MBD5: variants seen among roughly 807,000 people sequenced by gnomAD.
MBD5 encodes methyl-CpG binding domain protein 5, also known as methyl-CpG-binding domain protein 5.
MBD5 carries 13 observed loss-of-function variants against 117.3 expected under a neutral mutation model. That is an observed-to-expected ratio of 0.11 (90% confidence interval 0.07 to 0.18). The LOEUF is 0.18. MBD5 is among the 10% of genes least tolerant of loss of function. MBD5 has a pLI of 1.00. For synonymous variants in MBD5, 727 were observed against 766.4 expected, an observed-to-expected ratio of 0.95 and a Z score of 0.85; for missense variants, 1,879 against 2,093.8, an observed-to-expected ratio of 0.90 and a Z score of 2.00.
chr2:148,078,469 C>T lies in MBD5; in HGVS notation c.-925+56785C>T, dbSNP rs543918498. 4.6e-5 allele frequency among the ~76,000 whole-genome samples: 7 copies of T among 152,316 alleles called. No individual in the cohort carries two copies. In the East Asian group the frequency reaches 1.2e-3, roughly 25 times the overall value. ...ATATGCCAGTGCTTACTATGGATTA[C>T]ATACAGTCCACTTCTCCTGGCTATT... On this transcript the variant is annotated intron_variant, in intron 1 of 13. Coordinates refer to ENST00000642680, the MANE Select transcript of MBD5 (RefSeq NM_001378120.1).
intron 3 of MBD5, among the ~76,000 whole-genome samples, chr2:148,242,696 C>A (rs1700242030): frequency 6.6e-6 from 1 of 152,116 alleles, no homozygotes; most frequent in South Asian, 2.1e-4. Flanking sequence ...TAAAAAACTA[C>A]CACTATATAA....
At chr2:148,320,202 T>G (rs1458011105) in intron 3 of MBD5, among the ~76,000 whole-genome samples, 1 of 152,088 alleles carries the variant, frequency 6.6e-6, no homozygotes, top group East Asian at 1.9e-4. Context: ...GGTCTGTAGT[T>G]TTGTTGTTGT....
chr2:148,178,165 A>T (rs1007369496), intron 1 of MBD5, among the ~76,000 whole-genome samples: 2 of 151,938 alleles, frequency 1.3e-5, no homozygotes, highest in African/African-American at 4.8e-5. Flanking sequence ...CTTTTTTTTT[A>T]TGCTAAGTTT....
At chr2:148,345,202 G>GTA (rs140072047) in intron 4 of MBD5, among the ~76,000 whole-genome samples, 41,560 of 148,700 alleles carry the variant, frequency 0.28, 6,082 homozygotes, top group African/African-American at 0.33. Context: ...GTGTATATAC[G>GTA]TATATATGTA....
chr2:148,170,770 A>G (rs911421414), intron 1 of MBD5, among the ~76,000 whole-genome samples: 2 of 152,226 alleles, frequency 1.3e-5, no homozygotes, highest in Non-Finnish European at 2.9e-5. Context: ...TTTTAAAACT[A>G]GAATGAAATT....
intron 2 of MBD5, among the ~76,000 whole-genome samples, chr2:148,220,997 T>G (rs1003122931): frequency 6.6e-6 from 1 of 152,124 alleles, no homozygotes; most frequent in Non-Finnish European, 1.5e-5. Flanking sequence ...TTCAATAGTT[T>G]TGATTTTTAG....
Position 148,513,161 on chromosome 2 carries a change from T to C in MBD5, c.*220T>C. On this transcript the variant is annotated 3_prime_UTR_variant, in exon 14 of 14. Transcript: ENST00000642680. ...AATCAAAGTCTCTGTGTGATGAGAG[T>C]GATCAATGGTCAAGAGATTACTGAG... 1.8e-6 allele frequency: 1 copy of C among 555,742 alleles called. No homozygotes were observed. The highest frequency in any genetic ancestry group is 3.2e-6 in the Non-Finnish European group (1 of 311,426). The allele number at this position is 555,742 out of a possible 1,614,324, so 34.4% of individuals were successfully genotyped here.
At chr2:148,233,883 G>A (rs1700040772) in intron 3 of MBD5, among the ~76,000 whole-genome samples, 1 of 152,054 alleles carries the variant, frequency 6.6e-6, no homozygotes, top group African/African-American at 2.4e-5. Context: ...ATCTTGGAAA[G>A]CTATCCCTTT....
chr2:148,502,452 T>C lies in MBD5; in HGVS notation c.4979T>C (p.Leu1660Ser), dbSNP rs1681903219. Reference sequence around the variant, plus strand: ...TTCACTCAGGTGGAGCCCGAGAAGTTGAAGACACTAACAGAAGGTTTGGAA... The same window carrying C: ...TTCACTCAGGTGGAGCCCGAGAAGTCGAAGACACTAACAGAAGGTTTGGAA... ...PEEGKVEPEK[L>S]KTLTEGLEAY... The change falls in exon 12 of 14, where the codon TTG becomes TCG. Residue 1660 changes from leucine (L) to serine (S), a missense_variant. Leu to Ser is a moderately radical substitution (Grantham distance 145). This residue lies in a region of MBD5 where 135 missense variants were observed against 148.0 expected (regional missense o/e 0.91). Coordinates refer to ENST00000642680, the MANE Select transcript of MBD5 (RefSeq NM_001378120.1). The C allele has an allele frequency of 6.2e-7, 1 of 1,614,188 alleles. No homozygotes were observed.
chr2:148,209,678 G>C (rs1044299675), intron 2 of MBD5, among the ~76,000 whole-genome samples: 3 of 152,048 alleles, frequency 2.0e-5, no homozygotes, highest in African/African-American at 7.2e-5. Flanking sequence ...AGTTCTGCAG[G>C]CTGTATAAGC....
chr2:148,101,261 G>A (rs1468959336), intron 1 of MBD5, among the ~76,000 whole-genome samples: 2 of 151,650 alleles, frequency 1.3e-5, no homozygotes, highest in Admixed American at 6.6e-5. Context: ...GACCAGCCTG[G>A]GCAACACAGT....
intron 2 of MBD5, among the ~76,000 whole-genome samples, chr2:148,179,401 C>T (rs1358511011): frequency 2.6e-5 from 4 of 151,360 alleles, no homozygotes; most frequent in Admixed American, 6.6e-5. Flanking sequence ...GAATACAACT[C>T]AGCAGAATTT....
At chr2:148,252,739 A>T (rs190240921) in intron 3 of MBD5, among the ~76,000 whole-genome samples, 5 of 152,232 alleles carry the variant, frequency 3.3e-5, no homozygotes, top group Non-Finnish European at 7.4e-5. Context: ...TTGTAGAGAC[A>T]GGGTCTCACC....
intron 2 of MBD5, among the ~76,000 whole-genome samples, chr2:148,228,116 T>G (rs1243764397): frequency 6.6e-6 from 1 of 152,202 alleles, no homozygotes; most frequent in Non-Finnish European, 1.5e-5. Context: ...TTCTCCTGCC[T>G]GATTGCCCTG....
intron 4 of MBD5, among the ~76,000 whole-genome samples, chr2:148,401,326 T>C (rs1457641336): frequency 6.6e-6 from 1 of 152,108 alleles, no homozygotes; most frequent in Non-Finnish European, 1.5e-5. Flanking sequence ...TGGTTTATAA[T>C]TTGAGGTCTC....
At chr2:148,269,000 G>T (rs376961308) in intron 3 of MBD5, among the ~76,000 whole-genome samples, 3 of 151,860 alleles carry the variant, frequency 2.0e-5, no homozygotes, top group Non-Finnish European at 2.9e-5. Flanking sequence ...AGTGAGATTG[G>T]TTTTCAGGTT....
intron 4 of MBD5, among the ~76,000 whole-genome samples, chr2:148,367,359 A>C (rs1703731465): frequency 6.6e-6 from 1 of 152,234 alleles, no homozygotes; most frequent in Admixed American, 6.5e-5. Context: ...CGTAAGACCC[A>C]AAACCATAAA....
At chr2:148,480,641 T>C (rs535159584) in intron 8 of MBD5, among the ~76,000 whole-genome samples, 85 of 152,254 alleles carry the variant, frequency 5.6e-4, no homozygotes, top group Admixed American at 9.2e-4. Context: ...TAATCCATAC[T>C]ATCTATGGAA....
At chr2:148,112,889 G>A (rs930270195) in intron 1 of MBD5, among the ~76,000 whole-genome samples, 4 of 152,080 alleles carry the variant, frequency 2.6e-5, no homozygotes, top group African/African-American at 7.2e-5. Context: ...GCTCATGCCC[G>A]TAATCCCAGT....
Sources: allele counts gnomAD v4.1 joint callset (sites outside exome capture counted in the v4.1 genomes callset), GRCh38; gene constraint gnomAD v4.1.1; regional missense constraint gnomAD v4.1.1; transcripts MANE v1.5; gene names NCBI Gene and HGNC (gene_info 2026-07-23, HGNC 2026-07-21).